Variants in DKK2 observed in about 807,000 individuals in gnomAD.
DKK2 encodes dickkopf Wnt signaling pathway inhibitor 2, also known as dickkopf-related protein 2.
Under a neutral mutation model 28.1 loss-of-function variants are expected in DKK2, and 11 were observed. The observed-to-expected ratio is 0.39, with a 90% CI of 0.25 to 0.65. The LOEUF (loss-of-function observed/expected upper bound fraction) is 0.65, where lower values mean the gene tolerates loss of function less well. Among genes scored for constraint, DKK2 ranks in the 30% least tolerant of loss-of-function variants. The pLI, the probability that DKK2 is intolerant of heterozygous loss-of-function variation, is 0.47. For synonymous variants in DKK2, 135 were observed against 126.5 expected (o/e 1.07, Z -0.45); for missense variants, 326 against 335.5 (o/e 0.97, Z 0.22).
chr4:106,983,889 A>C (rs1233866413), intron 1 of DKK2, among the ~76,000 whole-genome samples: 1 of 152,216 alleles, frequency 6.6e-6, no homozygotes, highest in African/African-American at 2.4e-5. Context: ...AGGGAAATGC[A>C]AATTAAAACC....
chr4:106,937,883 A>C (rs1406745130), intron 1 of DKK2, among the ~76,000 whole-genome samples: 2 of 152,068 alleles, frequency 1.3e-5, no homozygotes, highest in African/African-American at 4.8e-5. Context: ...GTACATAATG[A>C]AATGAAGGCA....
intron 1 of DKK2, among the ~76,000 whole-genome samples, chr4:106,943,105 C>G (rs1012608768): frequency 2.6e-5 from 4 of 152,124 alleles, no homozygotes; most frequent in African/African-American, 9.7e-5. Context: ...TCCAACTCAT[C>G]ATTTGGAGAT....
At chr4:106,979,342 C>T (rs1375559023) in intron 1 of DKK2, among the ~76,000 whole-genome samples, 1 of 152,032 alleles carries the variant, frequency 6.6e-6, no homozygotes, top group African/African-American at 2.4e-5. Context: ...TTAAATAAAA[C>T]TCCAGGATTT....
At chr4:107,030,479 C>T (rs921542616) in intron 1 of DKK2, among the ~76,000 whole-genome samples, 3 of 151,810 alleles carry the variant, frequency 2.0e-5, no homozygotes, top group African/African-American at 7.3e-5. Context: ...AAAAAAAGGA[C>T]GTAGTAAGGG....
chr4:106,964,970 TA>T (rs1178240693), intron 1 of DKK2, among the ~76,000 whole-genome samples: 3 of 147,214 alleles, frequency 2.0e-5, no homozygotes, highest in South Asian at 2.2e-4. Flanking sequence ...TATAGATAGA[TA>T]GATAGATAGA....
At chr4:106,978,266 C>T (rs1722973237) in intron 1 of DKK2, among the ~76,000 whole-genome samples, 1 of 152,168 alleles carries the variant, frequency 6.6e-6, no homozygotes, top group Non-Finnish European at 1.5e-5. Context: ...AGCTCGAGCG[C>T]TGTGTTTGGA....
intron 1 of DKK2, among the ~76,000 whole-genome samples, chr4:107,005,522 G>A (rs1386722875): frequency 6.6e-6 from 1 of 151,860 alleles, no homozygotes; most frequent in East Asian, 1.9e-4. Context: ...CTTTAACACA[G>A]TCCTCCCCAA....
chr4:106,953,870 T>A (rs1722540351), intron 1 of DKK2, among the ~76,000 whole-genome samples: 1 of 152,208 alleles, frequency 6.6e-6, no homozygotes, highest in South Asian at 2.1e-4. Context: ...CGTCAACTTA[T>A]CTTAAGCTCT....
chr4:106,924,512 T>G (rs1724397089), intron 3 of DKK2, 33 bp downstream of exon 3: 1 of 1,585,860 alleles, frequency 6.3e-7, no homozygotes, highest in South Asian at 1.2e-5. Flanking sequence ...TTTCTTTATT[T>G]TAAAAAAACC....
At chr4:106,933,694 T>A (rs1252500624) in intron 1 of DKK2, among the ~76,000 whole-genome samples, 1 of 152,222 alleles carries the variant, frequency 6.6e-6, no homozygotes, top group Non-Finnish European at 1.5e-5. Context: ...TGTCTGCTTT[T>A]ATTATATGCT....
intron 1 of DKK2, among the ~76,000 whole-genome samples, chr4:106,963,508 A>T (rs1270610878): frequency 6.6e-6 from 1 of 152,196 alleles, no homozygotes; most frequent in Non-Finnish European, 1.5e-5. Flanking sequence ...ATTAAAGTGG[A>T]TTTTATCCAA....
intron 1 of DKK2, among the ~76,000 whole-genome samples, chr4:106,940,026 T>C (rs1240426251): frequency 3.9e-5 from 6 of 152,092 alleles, no homozygotes; most frequent in Non-Finnish European, 5.9e-5. Context: ...ACCTAGGCAA[T>C]ACCATTCAGG....
chr4:106,924,505 CTTTA>C lies in DKK2; in HGVS notation c.529+36_529+39del, dbSNP rs771201779. On this transcript the variant is annotated intron_variant, in intron 3 of 3. Transcript: ENST00000285311. ...AATTATCTATATTTTTCTTCTATTT[CTTTA>C]TTTTAAAAAAACCCCAGAACTACAG... The C allele has an allele frequency of 5.1e-6, 8 of 1,581,162 alleles. No individual in the cohort carries two copies. In the African/African-American group the frequency reaches 1.1e-4, roughly 22 times the overall value.
chr4:106,951,699 A>C (rs1459965781), intron 1 of DKK2, among the ~76,000 whole-genome samples: 1 of 152,190 alleles, frequency 6.6e-6, no homozygotes, highest in Non-Finnish European at 1.5e-5. Context: ...CACTCTTGAC[A>C]ATAAAGGTAA....
chr4:106,945,965 G>A (rs542224801), intron 1 of DKK2, among the ~76,000 whole-genome samples: 73 of 152,192 alleles, frequency 4.8e-4, no homozygotes, highest in African/African-American at 1.7e-3. Context: ...GCTAACAGAC[G>A]CCATGATTGC....
intron 1 of DKK2, among the ~76,000 whole-genome samples, chr4:106,982,469 C>A (rs964232194): frequency 1.3e-5 from 2 of 152,116 alleles, no homozygotes; most frequent in African/African-American, 4.8e-5. Context: ...GTGCTGGGTA[C>A]CTCGTATAAC....
At chr4:106,970,988 A>C (rs1265166751) in intron 1 of DKK2, among the ~76,000 whole-genome samples, 3 of 152,288 alleles carry the variant, frequency 2.0e-5, no homozygotes, top group Admixed American at 6.5e-5. Context: ...AAACTTTTAA[A>C]ATACCAAATT....
chr4:106,933,293 A>G (rs1246205474), intron 1 of DKK2, among the ~76,000 whole-genome samples: 1 of 152,226 alleles, frequency 6.6e-6, no homozygotes, highest in Non-Finnish European at 1.5e-5. Context: ...ACCTCCAGAT[A>G]GACATGGGTC....
chr4:106,957,612 A>T (rs1377489337), intron 1 of DKK2, among the ~76,000 whole-genome samples: 1 of 151,558 alleles, frequency 6.6e-6, no homozygotes, highest in African/African-American at 2.4e-5. Flanking sequence ...AAGGACATGG[A>T]TGAAATTGGA....
Sources: allele counts gnomAD v4.1 joint callset (sites outside exome capture counted in the v4.1 genomes callset), GRCh38; gene constraint gnomAD v4.1.1; transcripts MANE v1.5; gene names NCBI Gene and HGNC (gene_info 2026-07-23, HGNC 2026-07-21).